The following MYO1F variants were observed in gnomAD, a reference collection of about 807,000 sequenced individuals.
MYO1F encodes myosin IF.
In MYO1F, 60 loss-of-function variants were observed where a neutral mutation model predicts 146.6. That is an observed-to-expected ratio of 0.41 (90% CI 0.33 to 0.51). The LOEUF is 0.51. MYO1F is among the 20% of genes least tolerant of loss of function. MYO1F has a pLI of 0.25. For missense variants in MYO1F, 1,274 were observed against 1,534.3 expected (o/e 0.83, Z 2.83); for synonymous variants, 602 against 602.1 (o/e 1.00, Z 0.00).
At chr19:8,556,022 T>A (rs1234519695) in intron 1 of MYO1F, among the ~76,000 whole-genome samples, 2 of 151,726 alleles carry the variant, frequency 1.3e-5, no homozygotes, top group Non-Finnish European at 2.9e-5. Flanking sequence ...TTTTAATTTT[T>A]AATTTTTATT....
At chr19:8,544,018 C>CGGTGGT in intron 14 of MYO1F, 1 of 242,878 alleles carries the variant, frequency 4.1e-6, no homozygotes, top group Non-Finnish European at 7.1e-6. Flanking sequence ...GTGGCGGTGG[C>CGGTGGT]GGTGGCGGTG....
Position 8,537,077 on chromosome 19 carries a change from G to C in MYO1F, c.1693-22C>G, listed in dbSNP as rs200391716. On this transcript the variant is annotated intron_variant, in intron 16 of 27. Coordinates refer to ENST00000644032, the MANE Select transcript of MYO1F (RefSeq NM_012335.4). ...GTTTCTGAGGCAGAAGTGAAGACGG[G>C]TGGGTGGGGGGCACAGAGATGGGAC... 5.4e-5 allele frequency: 83 copies of C among 1,536,594 alleles called. No homozygotes were observed. The Middle Eastern group carries it at 2.0e-3, about 38-fold the overall frequency.
At position 8,521,579 on chromosome 19, in the gene MYO1F, C is replaced by A. The variant is rs774189690; in HGVS notation, c.3246G>T (p.Arg1082=). 26 of 1,614,140 alleles carry A rather than the reference C, an allele frequency of 1.6e-5. No individual in the cohort carries two copies. The highest frequency in any genetic ancestry group is 2.2e-5 in the Non-Finnish European group (26 of 1,179,998). ...GGAAAAGGCCCTCCTGGCCGTGAAG[C>A]CGGCCCTTCCACCAGCCCGAGGGAT... ...MEDPSGWWKG[R]LHGQEGLFPG... Residue 1082 remains arginine, a synonymous_variant, in exon 28 of 28, where the codon CGG becomes CGT. Transcript: ENST00000644032.
At chr19:8,532,455 A>G (rs751742910) in intron 19 of MYO1F, among the ~76,000 whole-genome samples, 14 of 152,198 alleles carry the variant, frequency 9.2e-5, no homozygotes, top group Non-Finnish European at 1.8e-4. Context: ...CTGTAAATCT[A>G]TAGTAATAAA....
intron 1 of MYO1F, among the ~76,000 whole-genome samples, chr19:8,570,817 G>A (rs1376440007): frequency 6.6e-6 from 1 of 152,142 alleles, no homozygotes; most frequent in Non-Finnish European, 1.5e-5. Flanking sequence ...CAAGATGGCT[G>A]TTAATAGTGT....
intron 7 of MYO1F, 53 bp downstream of exon 7, chr19:8,551,980 C>T (rs779513336): frequency 6.2e-6 from 10 of 1,613,708 alleles, no homozygotes; most frequent in Non-Finnish European, 7.6e-6. Context: ...TCCCATTGTC[C>T]ACCCCGCTGG....
rs759344792 is a variant in MYO1F, at chr19:8,522,791, C to A, written c.2893G>T (p.Gly965Cys). The A allele has an allele frequency of 6.3e-7, 1 of 1,597,686 alleles. No individual in the cohort carries two copies. The change falls in exon 26 of 28, where the codon GGC becomes TGC. Residue 965 changes from glycine (G) to cysteine (C), a missense_variant. Physicochemically the swap from Gly to Cys is radical, Grantham distance 159. Around this residue, in one of 2 missense-constraint regions of MYO1F, gnomAD observed 374 missense variants for 379.2 expected, o/e 0.99. Coordinates refer to ENST00000644032, the MANE Select transcript of MYO1F (RefSeq NM_012335.4). The stretch of plus-strand genomic sequence containing the variant: ...GACATGATCTCCAGGGGCAGGGGGC[C>A]CCCTCTGGCAGAGGGGGGCACCCCA... ...RNGVPPSARGGPLPLEIMSGG... is the reference protein window; with the variant it reads ...RNGVPPSARGCPLPLEIMSGG...
At chr19:8,552,340 C>T (rs1187425131) in intron 6 of MYO1F, among the ~76,000 whole-genome samples, 176 bp from the exon 7 acceptor site, 5 of 152,124 alleles carry the variant, frequency 3.3e-5, no homozygotes, top group African/African-American at 9.6e-5. Flanking sequence ...CTCACTGCAA[C>T]GTCCACCTCC....
chr19:8,530,042 G>A lies in MYO1F; in HGVS notation c.2328+154C>T. On this transcript the variant is annotated intron_variant, in intron 21 of 27. Coordinates refer to ENST00000644032, the MANE Select transcript of MYO1F (RefSeq NM_012335.4). This position sits in a 1 kb window ranked among gnomAD's most constrained non-coding sequence, Gnocchi z 5.8. ...TCTAGGCTGGGGGATCTATGCCTGT[G>A]GGCAGGTGCATATGGGCCAGGTGAG... 1 of 997,136 alleles carries A rather than the reference G, an allele frequency of 1.0e-6. No homozygotes were observed. Among genetic ancestry groups the A allele is most frequent in the Non-Finnish European group, 1.6e-6 (1 of 640,230 alleles). 61.8% of individuals were successfully genotyped at this position (997,136 alleles called of 1,614,324 possible). A position where few individuals can be genotyped will look rare whatever the true frequency, so the allele number is the denominator to read the frequency against.
intron 23 of MYO1F, 38 bp downstream of exon 23, chr19:8,526,751 A>T: frequency 3.8e-6 from 6 of 1,577,960 alleles, no homozygotes; most frequent in Non-Finnish European, 5.2e-6. Flanking sequence ...CCGCGCCGAG[A>T]CCACCCCGAG....
intron 25 of MYO1F, among the ~76,000 whole-genome samples, chr19:8,523,192 T>C (rs1225899339): frequency 2.6e-5 from 4 of 151,494 alleles, no homozygotes; most frequent in Non-Finnish European, 5.9e-5. Flanking sequence ...CCACCACGCC[T>C]GGATAATTTT....
intron 13 of MYO1F, 103 bp from the exon 14 acceptor site, chr19:8,544,567 A>G (rs866918085): frequency 2.9e-4 from 188 of 644,678 alleles, no homozygotes; most frequent in African/African-American, 1.3e-4. Flanking sequence ...GGAGGAGTGG[A>G]GGGAGCTAGA....
intron 13 of MYO1F, among the ~76,000 whole-genome samples, chr19:8,545,052 A>AGG (rs1973283490): frequency 6.6e-6 from 1 of 152,084 alleles, no homozygotes; most frequent in Non-Finnish European, 1.5e-5. Context: ...TGCTGGGATT[A>AGG]CAGGCATGAG....
chr19:8,525,002 AGCCTGAACAAC>A (rs1244454912), intron 25 of MYO1F, among the ~76,000 whole-genome samples: 1 of 152,048 alleles, frequency 6.6e-6, no homozygotes, highest in Non-Finnish European at 1.5e-5. Context: ...GTTCGAGACC[AGCCTGAACAAC>A]GTGGTGAAAC....
intron 19 of MYO1F, among the ~76,000 whole-genome samples, chr19:8,533,456 G>A (rs183139125): frequency 4.6e-5 from 7 of 151,510 alleles, no homozygotes; most frequent in South Asian, 2.1e-4. Flanking sequence ...CTGGGTTCAC[G>A]CCATTCTCCT....
Position 8,577,299 on chromosome 19 carries a change from G to A in MYO1F, c.3+8C>T, listed in dbSNP as rs781935873. On this transcript the variant is annotated splice_region_variant and intron_variant, in intron 1 of 27. Transcript: ENST00000644032. The surrounding 1 kb of genome is among the most constrained non-coding windows in gnomAD (Gnocchi z 4.3). The stretch of plus-strand genomic sequence containing the variant: ...TCTTCTTCCAGATCCCACCCTTGAA[G>A]GACTTACCATGGTGGGGGGCTGGTG... 2.5e-6 allele frequency: 4 copies of A among 1,613,824 alleles called. No homozygotes were observed. In the South Asian group the frequency reaches 4.4e-5, roughly 18 times the overall value.
Position 8,521,203 on chromosome 19 carries a change from A to C in MYO1F, c.*325T>G. The C allele has an allele frequency of 4.9e-6, 2 of 412,322 alleles. No homozygotes were observed. The highest frequency in any genetic ancestry group is 4.6e-6 in the Non-Finnish European group (1 of 218,324). The allele number at this position is 412,322 out of a possible 1,614,324, so 25.5% of individuals were successfully genotyped here. On this transcript the variant is annotated 3_prime_UTR_variant, in exon 28 of 28. Coordinates refer to ENST00000644032, the MANE Select transcript of MYO1F (RefSeq NM_012335.4). ...CCCCCCCTCCCCAACTGTGCCTGGC[A>C]CTTTGCCAACAGCACAGGACTCAAG...
chr19:8,562,960 T>C (rs1380549164), intron 1 of MYO1F, among the ~76,000 whole-genome samples: 1 of 151,992 alleles, frequency 6.6e-6, no homozygotes, highest in East Asian at 1.9e-4. Context: ...CTGGGCCTTC[T>C]TGGACCGCTG....
chr19:8,551,505 C>A, intron 8 of MYO1F: 1 of 536,494 alleles, frequency 1.9e-6, no homozygotes, highest in Non-Finnish European at 3.3e-6. Flanking sequence ...TCACACGCCA[C>A]CACATCTGGC....
Sources: allele counts gnomAD v4.1 joint callset (sites outside exome capture counted in the v4.1 genomes callset), GRCh38; gene constraint gnomAD v4.1.1; regional missense constraint gnomAD v4.1.1; non-coding constraint Gnocchi (gnomAD v3.1); transcripts MANE v1.5; gene names NCBI Gene and HGNC (gene_info 2026-07-23, HGNC 2026-07-21).